KMT2C: variants seen among roughly 807,000 people sequenced by gnomAD.
The protein encoded by KMT2C is histone-lysine N-methyltransferase 2C.
A neutral mutation model predicts 507.9 loss-of-function variants in KMT2C; 88 were observed. The ratio of observed to expected loss-of-function variants is 0.17; its 90% CI spans 0.15 to 0.21. The LOEUF (loss-of-function observed/expected upper bound fraction) is 0.21, where lower values mean the gene tolerates loss of function less well. KMT2C is among the 10% of genes least tolerant of loss of function. The pLI, the probability that KMT2C is intolerant of heterozygous loss-of-function variation, is 1.00. For synonymous variants in KMT2C, 2,049 were observed against 2,080.8 expected (o/e 0.98, Z 0.42); for missense variants, 4,954 against 5,957.8 (o/e 0.83, Z 5.55).
intron 27 of KMT2C, among the ~76,000 whole-genome samples, chr7:152,198,563 C>G (rs373097862): frequency 1.3e-5 from 2 of 152,076 alleles, no homozygotes; most frequent in East Asian, 3.9e-4. Flanking sequence ...ACTTACCTAC[C>G]CAATGAGTTA....
At chr7:152,271,445 G>A (rs923710938) in intron 7 of KMT2C, among the ~76,000 whole-genome samples, 7 of 152,030 alleles carry the variant, frequency 4.6e-5, no homozygotes, top group South Asian at 4.2e-4. Context: ...AGGCTGAGAC[G>A]GGCAGATCAC....
Position 152,148,279 on chromosome 7 carries a change from C to T in KMT2C, c.13648G>A (p.Val4550Met), listed in dbSNP as rs2129095034. The T allele has an allele frequency of 4.3e-6, 7 of 1,614,256 alleles. No homozygotes were observed. The highest frequency in any genetic ancestry group is 1.3e-5 in the African/African-American group (1 of 75,066). ...ATTGTGTGGAAGATGAGGCTACCCA[C>T]GCGAAAGGTATGGTCCCGTTCTCCT... ...QRGERDHTFR[V>M]GSLIFHTIGQ... Residue 4550 changes from valine (V) to methionine (M), a missense_variant, in exon 52 of 59, where the codon GTG becomes ATG. Coordinates refer to ENST00000262189, the MANE Select transcript of KMT2C (RefSeq NM_170606.3). This position sits in a 1 kb window ranked among gnomAD's most constrained non-coding sequence, Gnocchi z 7.1.
chr7:152,168,376 T>C (rs571434435), intron 41 of KMT2C, among the ~76,000 whole-genome samples: 1 of 152,324 alleles, frequency 6.6e-6, no homozygotes, highest in East Asian at 1.9e-4. Flanking sequence ...TGCAAATATG[T>C]ATTCAAATTA....
intron 44 of KMT2C, among the ~76,000 whole-genome samples, chr7:152,158,355 C>T (rs560356863): frequency 6.6e-6 from 1 of 152,252 alleles, no homozygotes; most frequent in South Asian, 2.1e-4. Context: ...TCCTTATGAA[C>T]ATAAGAAAAT....
intron 6 of KMT2C, among the ~76,000 whole-genome samples, chr7:152,282,983 C>G (rs2096245469): frequency 6.6e-6 from 1 of 151,754 alleles, no homozygotes; most frequent in East Asian, 1.9e-4. Context: ...AGTATCCTAC[C>G]TGGTATCTCT....
chr7:152,242,519 A>C (rs1323959400), intron 14 of KMT2C, among the ~76,000 whole-genome samples: 3 of 152,188 alleles, frequency 2.0e-5, no homozygotes, highest in African/African-American at 7.2e-5. Context: ...AATACTACAG[A>C]AACTAAAAAA....
chr7:152,162,932 C>G lies in KMT2C; in HGVS notation c.10645G>C (p.Val3549Leu). The stretch of plus-strand genomic sequence containing the variant: ...AAAGCAGGTGTAAAAGAAGGCCTCA[C>G]TGGGGACTGCTGGAAGCTGGTCCCA... Reference protein sequence around the residue: ...LSGTSFQQSPVRPSFTPALPA... With the variant: ...LSGTSFQQSPLRPSFTPALPA... The change falls in exon 43 of 59, where the codon GTG (valine) becomes CTG (leucine). Residue 3549 changes from valine to leucine, a missense_variant. This residue lies in a region of KMT2C where 801 missense variants were observed against 751.2 expected (regional missense o/e 1.07). Coordinates refer to ENST00000262189, the MANE Select transcript of KMT2C (RefSeq NM_170606.3). 1 of 1,614,146 alleles carries G rather than the reference C, an allele frequency of 6.2e-7. No individual in the cohort carries two copies. Among genetic ancestry groups the G allele is most frequent in the Non-Finnish European group, 8.5e-7 (1 of 1,180,028 alleles).
chr7:152,251,655 G>C (rs531919654), intron 11 of KMT2C, among the ~76,000 whole-genome samples: 3 of 152,140 alleles, frequency 2.0e-5, no homozygotes, highest in South Asian at 4.2e-4. Context: ...CAAACCCAAA[G>C]ACTGGGGAAC....
chr7:152,293,451 G>T (rs2129187696), intron 6 of KMT2C, among the ~76,000 whole-genome samples: 1 of 152,206 alleles, frequency 6.6e-6, no homozygotes, highest in South Asian at 2.1e-4. Context: ...TTCCTAAAGG[G>T]TATGCAGTAT....
In KMT2C at chr7:152,180,089, T is replaced by C. The variant is rs2093380474; in HGVS notation, c.7187A>G (p.Gln2396Arg). Residue 2396 changes from glutamine (Q) to arginine (R), a missense_variant, in exon 37 of 59, where the codon CAG (glutamine) becomes CGG (arginine). Transcript: ENST00000262189. ...KLREIILQQQ[Q>R]QKKIAGRQEK... ...CTGTCGACCTGCAATCTTCTTCTGCTGTTGCTGCTGGAGAATGATTTCACG... is the reference window on the plus strand; with the variant it reads ...CTGTCGACCTGCAATCTTCTTCTGCCGTTGCTGCTGGAGAATGATTTCACG... 1.9e-6 allele frequency: 3 copies of C among 1,614,110 alleles called. No individual in the cohort carries two copies. Among genetic ancestry groups the C allele is most frequent in the Admixed American group, 3.3e-5 (2 of 60,014 alleles).
chr7:152,182,847 G>C (rs1177128696), intron 35 of KMT2C, 127 bp downstream of exon 35: 3 of 710,092 alleles, frequency 4.2e-6, no homozygotes, highest in Non-Finnish European at 6.7e-6. Flanking sequence ...ACTGAAAAGA[G>C]AAACAAGTCT....
At chr7:152,415,607 G>A (rs572031879) in intron 1 of KMT2C, among the ~76,000 whole-genome samples, 4 of 152,286 alleles carry the variant, frequency 2.6e-5, no homozygotes, top group East Asian at 1.9e-4. Context: ...AAAGGCTGAC[G>A]CGGTGGCTCA....
At chr7:152,399,702 T>C (rs1246467367) in intron 1 of KMT2C, among the ~76,000 whole-genome samples, 3 of 150,864 alleles carry the variant, frequency 2.0e-5, no homozygotes, top group Non-Finnish European at 3.0e-5. Flanking sequence ...AAAATTACAA[T>C]AGAGTTGACA....
intron 44 of KMT2C, among the ~76,000 whole-genome samples, chr7:152,158,102 A>C (rs2092193440): frequency 6.6e-6 from 1 of 152,244 alleles, no homozygotes. Context: ...GAGACTTAAA[A>C]ATAAGCTCTG....
intron 6 of KMT2C, among the ~76,000 whole-genome samples, chr7:152,290,540 C>A (rs1422802723): frequency 1.3e-5 from 2 of 151,162 alleles, no homozygotes; most frequent in African/African-American, 2.4e-5. Context: ...GAGCTCCTGA[C>A]CTCGTGATCC....
chr7:152,180,180 A>G (rs1191798385), intron 36 of KMT2C, 54 bp from the exon 37 acceptor site: 1 of 1,582,260 alleles, frequency 6.3e-7, no homozygotes, highest in Non-Finnish European at 8.7e-7. Flanking sequence ...ATGGCTTTTT[A>G]AAGGTTACTG....
intron 6 of KMT2C, among the ~76,000 whole-genome samples, chr7:152,289,033 A>G (rs569125591): frequency 2.8e-3 from 419 of 152,328 alleles, no homozygotes; most frequent in South Asian, 5.4e-3. Context: ...AATAGTGAGA[A>G]AAGTTATTGA....
At position 152,178,026 on chromosome 7, in the gene KMT2C, A is replaced by G; in HGVS notation, c.7443-16T>C. The G allele has an allele frequency of 7.2e-7, 1 of 1,386,914 alleles. No homozygotes were observed. Among genetic ancestry groups the G allele is most frequent in the Non-Finnish European group, 9.2e-7 (1 of 1,083,064 alleles). The allele number at this position is 1,386,914 out of a possible 1,614,324, so 85.9% of individuals were successfully genotyped here. ...AAATCCAAATCTTTTAAAAAAAAAAAAAAAAAAAAAAAAAAAGCAAATAGG... is the reference window on the plus strand; with the variant it reads ...AAATCCAAATCTTTTAAAAAAAAAAGAAAAAAAAAAAAAAAAGCAAATAGG... On this transcript the variant is annotated splice_polypyrimidine_tract_variant and intron_variant, in intron 37 of 58. Coordinates refer to ENST00000262189, the MANE Select transcript of KMT2C (RefSeq NM_170606.3).
chr7:152,167,096 T>G (rs1327680592), intron 42 of KMT2C, 50 bp downstream of exon 42: 1 of 1,423,488 alleles, frequency 7.0e-7, no homozygotes, highest in Non-Finnish European at 9.9e-7. Context: ...CACCAAAACA[T>G]TCTACTCATT....
Sources: gnomAD v4.1 joint callset for allele counts (sites outside exome capture counted in the v4.1 genomes callset) on GRCh38, gnomAD v4.1.1 for gene constraint, gnomAD v4.1.1 regional missense constraint, Gnocchi (gnomAD v3.1) non-coding constraint, MANE v1.5 for transcripts, NCBI Gene and HGNC (gene_info 2026-07-23, HGNC 2026-07-21) for gene names.